The following SRCAP variants were observed in gnomAD, a reference collection of about 807,000 sequenced individuals.
SRCAP encodes the protein Snf2 related CREBBP activator protein, also known as chromatin remodeling protein SRCAP.
In SRCAP, 46 loss-of-function variants were observed where a neutral mutation model predicts 263.1. The observed-to-expected ratio is 0.17, with a 90% CI of 0.14 to 0.22. The LOEUF (loss-of-function observed/expected upper bound fraction) is 0.22. Among genes scored for constraint, SRCAP ranks in the 10% least tolerant of loss-of-function variants. The pLI is 1.00. For missense variants in SRCAP, 3,695 were observed against 4,181.9 expected (o/e 0.88, Z 3.21); for synonymous variants, 1,813 against 1,662.1 (o/e 1.09, Z -2.21).
rs1187255559 is a variant in SRCAP at position 30,740,634 on chromosome 16, C to T, written c.*901C>T. On this transcript the variant is annotated 3_prime_UTR_variant, in exon 34 of 34. Transcript: ENST00000262518. ...GGCTTGGCTTGGAGCCCTGAGTCAG[C>T]TCCATCACCACCCAAGCCAAACCAA... 1 of 152,244 alleles carries T rather than the reference C, an allele frequency of 6.6e-6. No individual in the cohort carries two copies. The highest frequency in any genetic ancestry group is 1.5e-5 in the Non-Finnish European group (1 of 68,092). The allele number at this position is 152,244 out of a possible 1,614,324, so 9.4% of individuals were successfully genotyped here.
At position 30,729,472 on chromosome 16, in the gene SRCAP, A is replaced by G. The variant is rs113939548; in HGVS notation, c.6027A>G (p.Gln2009=). ...LAPRQAAFQE[Q]LASELWPRAR... is the part of the protein sequence containing the mutation. Reference sequence around the variant, plus strand: ...CACGTCAGGCAGCCTTCCAGGAGCAATTGGCCTCTGAGCTCTGGCCCCGGG... The same window carrying G: ...CACGTCAGGCAGCCTTCCAGGAGCAGTTGGCCTCTGAGCTCTGGCCCCGGG... The change falls in exon 27 of 34, where the codon CAA becomes CAG. Residue 2009 remains glutamine, a synonymous_variant. Coordinates refer to ENST00000262518, the MANE Select transcript of SRCAP (RefSeq NM_006662.3). The G allele has an allele frequency of 1.9e-6, 3 of 1,613,980 alleles. No homozygotes were observed. The highest frequency in any genetic ancestry group is 1.1e-5 in the South Asian group (1 of 91,078).
In SRCAP at chr16:30,722,631, C is replaced by G; in HGVS notation, c.3775C>G (p.Leu1259Val). 6.2e-7 allele frequency: 1 copy of G among 1,614,116 alleles called. No individual in the cohort carries two copies. The highest frequency in any genetic ancestry group is 8.5e-7 in the Non-Finnish European group (1 of 1,180,022). ...CATCAGCCAGCCTGCCCATGTGGCCCTCATCCAGGCCGTGGCCCCGACCCC... is the reference window on the plus strand; with the variant it reads ...CATCAGCCAGCCTGCCCATGTGGCCGTCATCCAGGCCGTGGCCCCGACCCC... ...HLISQPAHVA[L>V]IQAVAPTPGP... Residue 1259 changes from leucine (L) to valine (V), a missense_variant, in exon 23 of 34, where the codon CTC becomes GTC. By Grantham distance (32) the Leu-to-Val change is conservative (BLOSUM62 1). Coordinates refer to ENST00000262518, the MANE Select transcript of SRCAP (RefSeq NM_006662.3).
intron 18 of SRCAP, among the ~76,000 whole-genome samples, chr16:30,718,005 A>G (rs1286803816): frequency 1.3e-5 from 2 of 150,832 alleles, no homozygotes; most frequent in African/African-American, 2.4e-5. Flanking sequence ...AGCTGGAACT[A>G]TATGCGTGCA....
chr16:30,739,227 C>G lies in SRCAP; in HGVS notation c.9187C>G (p.Leu3063Val), dbSNP rs775125210. The G allele has an allele frequency of 6.2e-7, 1 of 1,613,564 alleles. No homozygotes were observed. The highest frequency in any genetic ancestry group is 1.1e-5 in the South Asian group (1 of 91,090). The change falls in exon 34 of 34, where the codon CTC (leucine) becomes GTC (valine). Residue 3063 changes from leucine to valine, a missense_variant. By Grantham distance (32) the Leu-to-Val change is conservative (BLOSUM62 1). Transcript: ENST00000262518. ...SSSDEDGSRP[L>V]TRLARLRLEA... is the part of the protein sequence containing the mutation. ...CTCTGATGAGGATGGAAGCCGCCCCCTCACCCGCCTGGCCCGCCTTCGGCT... is the reference window on the plus strand; with the variant it reads ...CTCTGATGAGGATGGAAGCCGCCCCGTCACCCGCCTGGCCCGCCTTCGGCT...
In SRCAP at chr16:30,736,582, C is replaced by T. The variant is rs201157349; in HGVS notation, c.6966C>T (p.Ala2322=). ...GCTATGCCATGAAATTCCTGGAGGC[C>T]TCACTGGAGGAGGTGAGCCGAGAGG... ...IERYAMKFLE[A]SLEEVSREEL... Residue 2322 remains alanine (A), a synonymous_variant, in exon 33 of 34, where the codon GCC becomes GCT. Transcript: ENST00000262518. 3 of 1,614,210 alleles carry T rather than the reference C, an allele frequency of 1.9e-6. No homozygotes were observed. Among genetic ancestry groups the T allele is most frequent in the Non-Finnish European group, 2.5e-6 (3 of 1,180,038 alleles).
At position 30,737,719 on chromosome 16, in the gene SRCAP, C is replaced by G. The variant is rs1355084773; in HGVS notation, c.7679C>G (p.Ser2560Cys). 1 of 1,614,114 alleles carries G rather than the reference C, an allele frequency of 6.2e-7. No homozygotes were observed. The highest frequency in any genetic ancestry group is 1.1e-5 in the South Asian group (1 of 91,092). The change falls in exon 34 of 34, where the codon TCT (serine) becomes TGT (cysteine). Residue 2560 changes from serine to cysteine, a missense_variant. Physicochemically the swap from Ser to Cys is moderately radical, Grantham distance 112 (BLOSUM62 -1). Transcript: ENST00000262518. ...GAGCTGTGTGCCCAGGCATTGGCAT[C>G]TCCAGAGTCCCTGGAGCTGGCTTCT... ...EAELCAQALASPESLELASVA... is the reference protein window; with the variant it reads ...EAELCAQALACPESLELASVA...
chr16:30,734,818 G>C (rs1393528602), intron 31 of SRCAP, among the ~76,000 whole-genome samples: 2 of 152,170 alleles, frequency 1.3e-5, no homozygotes, highest in African/African-American at 2.4e-5. Flanking sequence ...GGAGTCTTTA[G>C]TTTTAGGTTT....
chr16:30,711,003 G>A lies in SRCAP; in HGVS notation c.1233G>A (p.Glu411=). Residue 411 remains glutamate, a synonymous_variant, in exon 10 of 34, where the codon GAG becomes GAA. Transcript: ENST00000262518. ...EEFTANEEEA[E]DEEDTIAAEE... is the part of the protein sequence containing the mutation. ...TTGCTTCTGTCTCTTTCCTAGCGGAGGATGAAGAGGATACTATAGCAGCTG... is the reference window on the plus strand; with the variant it reads ...TTGCTTCTGTCTCTTTCCTAGCGGAAGATGAAGAGGATACTATAGCAGCTG... The A allele has an allele frequency of 6.2e-7, 1 of 1,613,958 alleles. No individual in the cohort carries two copies. The highest frequency in any genetic ancestry group is 8.5e-7 in the Non-Finnish European group (1 of 1,179,894).
At chr16:30,726,737 G>A (rs2053068082) in intron 25 of SRCAP, among the ~76,000 whole-genome samples, 1 of 152,030 alleles carries the variant, frequency 6.6e-6, no homozygotes, top group Non-Finnish European at 1.5e-5. Flanking sequence ...ATCTTGCTCT[G>A]TTGCCCAGGC....
At chr16:30,722,009 A>G in intron 21 of SRCAP, 113 bp from the exon 22 acceptor site, 7 of 1,318,996 alleles carry the variant, frequency 5.3e-6, no homozygotes, top group Non-Finnish European at 6.2e-6. Flanking sequence ...AATTGTGGGA[A>G]GGGCTTAGTT....
Position 30,737,761 on chromosome 16 carries a change from C to G in SRCAP, c.7721C>G (p.Thr2574Ser). 1 of 1,614,024 alleles carries G rather than the reference C, an allele frequency of 6.2e-7. No individual in the cohort carries two copies. Among genetic ancestry groups the G allele is most frequent in the South Asian group, 1.1e-5 (1 of 91,084 alleles). Residue 2574 changes from threonine (T) to serine (S), a missense_variant, in exon 34 of 34, where the codon ACC (threonine) becomes AGC (serine). This residue lies in a region of SRCAP where 1,207 missense variants were observed against 1,142.9 expected (regional missense o/e 1.06). Transcript: ENST00000262518. ...LELASVASSE[T>S]SSLSLVPPKD... ...CTGGCTTCTGTGGCCAGTTCAGAAA[C>G]CTCCTCACTTTCTCTTGTGCCCCCT...
rs909242789 is a variant in SRCAP at position 30,738,584 on chromosome 16, G to A, written c.8544G>A (p.Leu2848=). The A allele has an allele frequency of 7.5e-6, 12 of 1,606,592 alleles. No individual in the cohort carries two copies. In the African/African-American group the frequency reaches 1.5e-4, roughly 20 times the overall value. The stretch of plus-strand genomic sequence containing the variant: ...GCCCCGAGAATGGAGACGGAGCACT[G>A]CTCGCCATCACCCCACCTGCTGTGA... ...GGSPENGDGA[L]LAITPPAVKR... The change falls in exon 34 of 34, where the codon CTG becomes CTA. Residue 2848 remains leucine (L), a synonymous_variant. Coordinates refer to ENST00000262518, the MANE Select transcript of SRCAP (RefSeq NM_006662.3).
At chr16:30,722,416 G>T in intron 22 of SRCAP, 130 bp downstream of exon 22, 1 of 1,505,986 alleles carries the variant, frequency 6.6e-7, no homozygotes, top group Admixed American at 2.0e-5. Context: ...AACGGGCATG[G>T]TTGGAGGGAT....
rs749242748 is a variant in SRCAP, at chr16:30,714,507, C to CTTTTTTTT, written c.2493+801_2493+808dup. Among the ~76,000 whole-genome samples the CTTTTTTTT allele has an allele frequency of 3.0e-5, 3 of 99,998 alleles. 1 individual carries two copies. Among genetic ancestry groups the CTTTTTTTT allele is most frequent in the Non-Finnish European group, 5.5e-5 (3 of 54,718 alleles). 65.6% of individuals were successfully genotyped at this position (99,998 alleles called of 152,430 possible). On this transcript the variant is annotated intron_variant, in intron 16 of 33. Coordinates refer to ENST00000262518, the MANE Select transcript of SRCAP (RefSeq NM_006662.3). ...TAAAGGTGTGAGCCACCGTGCCGGG[C>CTTTTTTTT]TTTTTTTTTTTTGAGACAGAGTCTC...
rs756791975 is a variant in SRCAP, at chr16:30,720,714, A to T, written c.2989A>T (p.Met997Leu). The T allele has an allele frequency of 1.9e-6, 3 of 1,591,478 alleles. No individual in the cohort carries two copies. The highest frequency in any genetic ancestry group is 2.6e-6 in the Non-Finnish European group (3 of 1,166,746). The change falls in exon 20 of 34, where the codon ATG becomes TTG. Residue 997 changes from methionine (M) to leucine (L), a missense_variant and splice_region_variant. Transcript: ENST00000262518. ...PKPVKMKVNR[M>L]LQPVPKQEGR... ...CACTCTCTTAATTTTTTCTCACAGG[A>T]TGCTGCAGCCAGTACCTAAGCAAGA... is the stretch of plus-strand genomic sequence containing the variant.
At position 30,739,859 on chromosome 16, in the gene SRCAP, C is replaced by G. The variant is rs1048650217; in HGVS notation, c.*126C>G. The G allele has an allele frequency of 1.5e-6, 2 of 1,372,734 alleles. No individual in the cohort carries two copies. Among genetic ancestry groups the G allele is most frequent in the Non-Finnish European group, 1.9e-6 (2 of 1,052,856 alleles). 85.0% of individuals were successfully genotyped at this position (1,372,734 alleles called of 1,614,324 possible). A position where few individuals can be genotyped will look rare whatever the true frequency, so the allele number is the denominator to read the frequency against. ...CCAGGGAGACATAGGGGCCTTCTCC[C>G]TTCTTCCCACCAAAGTAGGGGGTAG... On this transcript the variant is annotated 3_prime_UTR_variant, in exon 34 of 34. Coordinates refer to ENST00000262518, the MANE Select transcript of SRCAP (RefSeq NM_006662.3).
At position 30,739,023 on chromosome 16, in the gene SRCAP, A is replaced by G. The variant is rs1419215893; in HGVS notation, c.8983A>G (p.Thr2995Ala). The G allele has an allele frequency of 4.3e-6, 7 of 1,613,954 alleles. No homozygotes were observed. Among genetic ancestry groups the G allele is most frequent in the Non-Finnish European group, 5.9e-6 (7 of 1,179,970 alleles). ...TGCTACTGTTGCCAACACTGTCACC[A>G]CTGTCACCATTTCAACGTCCCCACC... ...PTATVANTVT[T>A]VTISTSPPKR... The change falls in exon 34 of 34, where the codon ACT becomes GCT. Residue 2995 changes from threonine (T) to alanine (A), a missense_variant. Thr to Ala is a moderately conservative substitution (Grantham distance 58). Transcript: ENST00000262518.
At position 30,712,297 on chromosome 16, in the gene SRCAP, G is replaced by A. The variant is rs933149063; in HGVS notation, c.1851G>A (p.Gln617=). 4.4e-6 allele frequency: 7 copies of A among 1,604,958 alleles called. No individual in the cohort carries two copies. Among genetic ancestry groups the A allele is most frequent in the African/African-American group, 4.0e-5 (3 of 74,424 alleles). The part of the protein sequence containing the change: ...KTPIPLLLRG[Q]LREYQHIGLD... Reference sequence around the variant, plus strand: ...CCATTCCCCTGCTTCTGCGGGGCCAGCTCCGGGAGTACCAGCACATTGGGC... The same window carrying A: ...CCATTCCCCTGCTTCTGCGGGGCCAACTCCGGGAGTACCAGCACATTGGGC... The change falls in exon 13 of 34, where the codon CAG becomes CAA. Residue 617 remains glutamine (Q), a synonymous_variant. Transcript: ENST00000262518.
At position 30,737,141 on chromosome 16, in the gene SRCAP, G is replaced by A; in HGVS notation, c.7101G>A (p.Gly2367=). The change falls in exon 34 of 34, where the codon GGG becomes GGA. Residue 2367 remains glycine, a synonymous_variant. Transcript: ENST00000262518. ...PQEEEEGPGA[G]DESSCGTGGG... is the part of the protein sequence containing the mutation. The stretch of plus-strand genomic sequence containing the variant: ...AGGAGGAGGAGGGGCCGGGGGCTGG[G>A]GATGAGAGTTCCTGTGGGACTGGTG... The A allele has an allele frequency of 6.2e-7, 1 of 1,614,050 alleles. No homozygotes were observed. The highest frequency in any genetic ancestry group is 1.7e-5 in the Admixed American group (1 of 60,004).
Sources: allele counts gnomAD v4.1 joint callset (sites outside exome capture counted in the v4.1 genomes callset), GRCh38; gene constraint gnomAD v4.1.1; regional missense constraint gnomAD v4.1.1; transcripts MANE v1.5; gene names NCBI Gene and HGNC (gene_info 2026-07-23, HGNC 2026-07-21).